GNAI2: variants seen among roughly 807,000 people sequenced by gnomAD.
GNAI2 encodes guanine nucleotide-binding protein G(i) subunit alpha-2.
In GNAI2, 4 loss-of-function variants were observed where a neutral mutation model predicts 36.8. That is an observed-to-expected ratio of 0.11 (90% CI 0.05 to 0.25). The LOEUF is 0.25. Ranked by LOEUF, GNAI2 falls within the 10% of genes least tolerant of loss-of-function variation. The probability of loss-of-function intolerance (pLI) is 1.00; values close to 1 mark genes in which losing one functional copy is unlikely to be tolerated. For synonymous variants in GNAI2, 194 were observed against 194.1 expected (o/e 1.00, Z 0.01); for missense variants, 230 against 481.3 (o/e 0.48, Z 4.89).
At chr3:50,256,519 G>A in intron 5 of GNAI2, 199 bp downstream of exon 5, 1 of 707,612 alleles carries the variant, frequency 1.4e-6, no homozygotes, top group Non-Finnish European at 2.4e-6. Context: ...AGCCTCTGCT[G>A]CTCCTGCCTG....
At chr3:50,243,426 C>G (rs1435308410) in intron 1 of GNAI2, among the ~76,000 whole-genome samples, 4 of 152,238 alleles carry the variant, frequency 2.6e-5, no homozygotes, top group African/African-American at 4.8e-5. Context: ...GAGATGAATG[C>G]CTGGAAATGC....
upstream of GNAI2, among the ~76,000 whole-genome samples, chr3:50,233,054 G>A (rs924733428): frequency 6.6e-6 from 1 of 151,940 alleles, no homozygotes; most frequent in African/African-American, 2.4e-5. Context: ...AGAGGACCTT[G>A]TGGGGTTCTG....
upstream of GNAI2, among the ~76,000 whole-genome samples, chr3:50,228,001 C>T (rs1309192517): frequency 6.6e-6 from 1 of 152,184 alleles, no homozygotes; most frequent in Admixed American, 6.5e-5. Context: ...CTTTAGGTGT[C>T]TGAGCCACGC....
chr3:50,246,101 G>T (rs1035861717), intron 1 of GNAI2, among the ~76,000 whole-genome samples: 1 of 152,228 alleles, frequency 6.6e-6, no homozygotes, highest in Non-Finnish European at 1.5e-5. Context: ...GAGGGGGGCC[G>T]GGGAGCAGCA....
chr3:50,230,543 C>T (rs1352657927), upstream of GNAI2: 2 of 152,386 alleles, frequency 1.3e-5, no homozygotes, highest in Non-Finnish European at 2.9e-5. Flanking sequence ...CTTCCTAGAG[C>T]CTGCAGGCAA....
chr3:50,233,860 T>TTGGGAGC (rs1361012476), upstream of GNAI2, among the ~76,000 whole-genome samples: 1 of 151,296 alleles, frequency 6.6e-6, no homozygotes, highest in Non-Finnish European at 1.5e-5. Flanking sequence ...AGCCTGGGGA[T>TTGGGAGC]TGGGAGCTGG....
upstream of GNAI2, among the ~76,000 whole-genome samples, chr3:50,235,761 A>C (rs1700150741): frequency 1.3e-5 from 2 of 152,148 alleles, no homozygotes; most frequent in Non-Finnish European, 1.5e-5. Flanking sequence ...AACTTTAACA[A>C]ATGACAAAGA....
At chr3:50,234,284 T>C (rs1008604709), upstream of GNAI2, among the ~76,000 whole-genome samples, 1 of 151,608 alleles carries the variant, frequency 6.6e-6, no homozygotes, top group Admixed American at 6.6e-5. Context: ...ATGGTCTCCA[T>C]CTCCTGACCT....
rs1553703178 is a variant in GNAI2 at position 50,256,335 on chromosome 3, G to A, written c.593+15G>A. The stretch of plus-strand genomic sequence containing the variant: ...CTACACTTCAAGTGAGCGAGCATGT[G>A]GACAGGTGGGAGGGGCAGGACCTGC... On this transcript the variant is annotated intron_variant, in intron 5 of 8. Coordinates refer to ENST00000313601, the MANE Select transcript of GNAI2 (RefSeq NM_002070.4). 5.6e-6 allele frequency: 9 copies of A among 1,613,150 alleles called. No individual in the cohort carries two copies. The highest frequency in any genetic ancestry group is 7.6e-6 in the Non-Finnish European group (9 of 1,179,284).
upstream of GNAI2, chr3:50,227,183 A>G: frequency 1.4e-6 from 2 of 1,448,302 alleles, no homozygotes; most frequent in Non-Finnish European, 9.1e-7. The surrounding 1 kb of genome is among the most constrained non-coding windows in gnomAD (Gnocchi z 5.9). Context: ...GTCACTGGGG[A>G]CGTTCTGAGG....
At chr3:50,250,447 A>G (rs2109206334) in intron 1 of GNAI2, among the ~76,000 whole-genome samples, 1 of 152,294 alleles carries the variant, frequency 6.6e-6, no homozygotes, top group South Asian at 2.1e-4. Context: ...GAATTGGGAC[A>G]CTGTGAATGG....
Position 50,252,659 on chromosome 3 carries a change from G to A in GNAI2, c.303+121G>A. 2.4e-6 allele frequency: 2 copies of A among 822,888 alleles called. No individual in the cohort carries two copies. Among genetic ancestry groups the A allele is most frequent in the Non-Finnish European group, 3.9e-6 (2 of 518,120 alleles). The allele number at this position is 822,888 out of a possible 1,614,324, so 51.0% of individuals were successfully genotyped here. On this transcript the variant is annotated intron_variant, in intron 3 of 8. Transcript: ENST00000313601. The surrounding 1 kb of genome is among the most constrained non-coding windows in gnomAD (Gnocchi z 4.1). ...CGCCGAGGCGGGTGGATCACCTGAG[G>A]TCAGGACCAGCCTGGCCAACTTGGT... is the stretch of plus-strand genomic sequence containing the variant.
At chr3:50,229,891 T>C (rs1232173297), upstream of GNAI2, 2 of 152,336 alleles carry the variant, frequency 1.3e-5, no homozygotes, top group Non-Finnish European at 2.9e-5. Flanking sequence ...CATAGGGTTC[T>C]CAGCACATTG....
chr3:50,251,569 G>T (rs1344883310), intron 1 of GNAI2: 2 of 1,207,598 alleles, frequency 1.7e-6, no homozygotes, highest in African/African-American at 1.6e-5. Context: ...AGAGGGCGGG[G>T]CATTGGGCCA....
rs1700619955 is a variant in GNAI2 at position 50,253,667 on chromosome 3, CTGGGAGGTGGAGCT to C, written c.464+486_464+499del. 1.3e-5 allele frequency among the ~76,000 whole-genome samples: 2 copies of C among 152,164 alleles called. No homozygotes were observed. Among genetic ancestry groups the C allele is most frequent in the Non-Finnish European group, 2.9e-5 (2 of 68,026 alleles). On this transcript the variant is annotated intron_variant, in intron 4 of 8. Coordinates refer to ENST00000313601, the MANE Select transcript of GNAI2 (RefSeq NM_002070.4). The surrounding 1 kb of genome is among the most constrained non-coding windows in gnomAD (Gnocchi z 4.2). ...GCTGAGGCAGGAGAATGGCGTGAACCTGGGAGGTGGAGCTTGCAGTGAGCGGAGATTGCGCCACT... is the reference window on the plus strand; with the variant it reads ...GCTGAGGCAGGAGAATGGCGTGAACCTGCAGTGAGCGGAGATTGCGCCACT...
intron 1 of GNAI2, among the ~76,000 whole-genome samples, chr3:50,248,575 G>A (rs587683710): frequency 1.1e-4 from 17 of 152,158 alleles, no homozygotes; most frequent in Middle Eastern, 3.4e-3. Context: ...CCTCTGTCCC[G>A]TTGTTCCCCC....
upstream of GNAI2, among the ~76,000 whole-genome samples, chr3:50,235,506 G>A (rs1401943385): frequency 6.6e-6 from 1 of 152,104 alleles, no homozygotes; most frequent in African/African-American, 2.4e-5. Flanking sequence ...TTTTAGTAGA[G>A]ATGGGGTTTC....
upstream of GNAI2, chr3:50,230,397 TG>T (rs1700049458): frequency 6.6e-6 from 1 of 152,268 alleles, no homozygotes; most frequent in Non-Finnish European, 1.5e-5. Flanking sequence ...CCCTGTCATC[TG>T]GGAGCCGTGG....
At chr3:50,244,159 G>A (rs1700362162) in intron 1 of GNAI2, among the ~76,000 whole-genome samples, 1 of 151,612 alleles carries the variant, frequency 6.6e-6, no homozygotes, top group Non-Finnish European at 1.5e-5. Context: ...CTCCTGAGTA[G>A]CTGTGACTAC....
Sources: gnomAD v4.1 joint callset for allele counts (sites outside exome capture counted in the v4.1 genomes callset) on GRCh38, gnomAD v4.1.1 for gene constraint, Gnocchi (gnomAD v3.1) non-coding constraint, MANE v1.5 for transcripts, NCBI Gene and HGNC (gene_info 2026-07-23, HGNC 2026-07-21) for gene names.